The following NFKB1 variants were observed in gnomAD, a reference collection of about 807,000 sequenced individuals.
NFKB1 encodes nuclear factor kappa B subunit 1, also known as nuclear factor NF-kappa-B p105 subunit.
In NFKB1, 9 loss-of-function variants were observed where a neutral mutation model predicts 105.1. That is an observed-to-expected ratio of 0.09 (90% CI 0.05 to 0.15). The LOEUF is 0.15. NFKB1 is among the 10% of genes least tolerant of loss of function. NFKB1 has a pLI of 1.00. For missense variants in NFKB1, 830 were observed against 1,203.7 expected (o/e 0.69, Z 4.59); for synonymous variants, 440 against 442.2 (o/e 1.00, Z 0.06).
At chr4:102,504,740 G>C (rs1165923294) in intron 1 of NFKB1, among the ~76,000 whole-genome samples, 1 of 152,184 alleles carries the variant, frequency 6.6e-6, no homozygotes, top group Non-Finnish European at 1.5e-5. Flanking sequence ...AAACCATCAA[G>C]AGCATATGAT....
intron 1 of NFKB1, among the ~76,000 whole-genome samples, chr4:102,504,439 G>C (rs143206119): frequency 2.1e-3 from 322 of 152,234 alleles, no homozygotes; most frequent in African/African-American, 7.2e-3. Flanking sequence ...GTTTTATTCG[G>C]TTGGTCTGTT....
intron 9 of NFKB1, among the ~76,000 whole-genome samples, chr4:102,581,147 C>T (rs1292178207): frequency 6.6e-6 from 1 of 152,188 alleles, no homozygotes; most frequent in Non-Finnish European, 1.5e-5. Flanking sequence ...GAGCACATTT[C>T]TCTCACAATT....
chr4:102,504,599 G>A (rs747125173), intron 1 of NFKB1, among the ~76,000 whole-genome samples: 22 of 152,172 alleles, frequency 1.4e-4, no homozygotes, highest in Non-Finnish European at 2.9e-4. Context: ...ATTAATTGAT[G>A]ACTACGTCTT....
rs1553925897 is a variant in NFKB1, at chr4:102,502,388, G to GCGCGCGCA, written c.-8+603_-8+604insGCGCACGC. ...TCCCCCCCTCCGTGCGCGCGCGCGC[G>GCGCGCGCA]CGCACACACACACACACACACACAC... On this transcript the variant is annotated intron_variant, in intron 1 of 23. Transcript: ENST00000226574. 2.1e-5 allele frequency among the ~76,000 whole-genome samples: 2 copies of GCGCGCGCA among 96,802 alleles called. 1 individual carries two copies. Among genetic ancestry groups the GCGCGCGCA allele is most frequent in the African/African-American group, 1.4e-4 (2 of 13,840 alleles). 63.5% of individuals were successfully genotyped at this position (96,802 alleles called of 152,430 possible).
intron 5 of NFKB1, among the ~76,000 whole-genome samples, chr4:102,565,533 A>C (rs936615712): frequency 1.3e-5 from 2 of 152,176 alleles, no homozygotes; most frequent in Admixed American, 6.5e-5. Flanking sequence ...CATTTAATGA[A>C]GTTTATAGTA....
intron 5 of NFKB1, among the ~76,000 whole-genome samples, chr4:102,559,010 G>T (rs1289387787): frequency 2.6e-5 from 4 of 152,200 alleles, no homozygotes; most frequent in African/African-American, 9.6e-5. Context: ...ATTATGTAAA[G>T]CCTGAAAGCA....
intron 18 of NFKB1, 48 bp from the exon 19 acceptor site, chr4:102,607,601 G>C (rs1223139514): frequency 1.3e-6 from 2 of 1,585,166 alleles, no homozygotes; most frequent in South Asian, 2.2e-5. Flanking sequence ...GGGACAAAAG[G>C]GCAAAAGAAC....
chr4:102,569,567 T>C (rs928720614), intron 6 of NFKB1, among the ~76,000 whole-genome samples: 1 of 152,142 alleles, frequency 6.6e-6, no homozygotes, highest in African/African-American at 2.4e-5. Context: ...CTAAGATAAC[T>C]TGTTTTCAAT....
intron 6 of NFKB1, among the ~76,000 whole-genome samples, chr4:102,574,108 C>T (rs1416795265): frequency 2.5e-5 from 3 of 119,498 alleles, no homozygotes; most frequent in Non-Finnish European, 3.6e-5. Flanking sequence ...AATTTTGTAT[C>T]GTTAAGTCTT....
chr4:102,557,240 A>G (rs1486623781), intron 5 of NFKB1: 1 of 152,218 alleles, frequency 6.6e-6, no homozygotes, highest in Non-Finnish European at 1.5e-5. Context: ...GCTGTCATTT[A>G]TTTTGTGGTT....
intron 18 of NFKB1, 132 bp downstream of exon 18, chr4:102,607,451 C>A: frequency 8.8e-7 from 1 of 1,130,392 alleles, no homozygotes. Flanking sequence ...TTATGGAGGG[C>A]TTCAGAGTAC....
intron 16 of NFKB1, 22 bp from the exon 17 acceptor site, chr4:102,606,474 C>T: frequency 1.2e-6 from 2 of 1,610,804 alleles, no homozygotes; most frequent in East Asian, 4.5e-5. Flanking sequence ...ACCAGTGAAT[C>T]TCCTGCCCTT....
rs755130773 is a variant in NFKB1, at chr4:102,580,524, C to T, written c.731-11C>T. On this transcript the variant is annotated splice_polypyrimidine_tract_variant and intron_variant, in intron 8 of 23. Transcript: ENST00000226574. ...TAATCATGTTATTTGTTGTTTTTCC[C>T]CTGTGAACAGAAGCCCCCAATGCAT... 6 of 1,611,236 alleles carry T rather than the reference C, an allele frequency of 3.7e-6. No individual in the cohort carries two copies. The highest frequency in any genetic ancestry group is 5.1e-6 in the Non-Finnish European group (6 of 1,177,548).
rs145904541 is a variant in NFKB1 at position 102,582,769 on chromosome 4, T to G, written c.836-97T>G. On this transcript the variant is annotated intron_variant, in intron 9 of 23. Coordinates refer to ENST00000226574, the MANE Select transcript of NFKB1 (RefSeq NM_003998.4). Reference sequence around the variant, plus strand: ...CTTGTTTTTTAAAAGTGTAAATAGATAGTAGGTAGAATATTAAACCAGTTT... The same window carrying G: ...CTTGTTTTTTAAAAGTGTAAATAGAGAGTAGGTAGAATATTAAACCAGTTT... 2.2e-4 allele frequency: 158 copies of G among 706,100 alleles called. No individual in the cohort carries two copies. The East Asian group carries it at 2.3e-3, about 10-fold the overall frequency. 43.7% of individuals were successfully genotyped at this position (706,100 alleles called of 1,614,324 possible).
chr4:102,538,665 A>C (rs1364241608), intron 5 of NFKB1, among the ~76,000 whole-genome samples: 4 of 152,204 alleles, frequency 2.6e-5, no homozygotes, highest in Non-Finnish European at 4.4e-5. Flanking sequence ...TCTTTAAGTT[A>C]ATATGAGACT....
At chr4:102,593,229 T>C (rs1726316872) in intron 11 of NFKB1, 196 bp from the exon 12 acceptor site, 1 of 508,068 alleles carries the variant, frequency 2.0e-6, no homozygotes, top group Non-Finnish European at 3.5e-6. Flanking sequence ...GTGGTCTCTC[T>C]GGAGCTAACT....
chr4:102,536,815 G>A (rs1165890322), intron 4 of NFKB1, among the ~76,000 whole-genome samples: 2 of 151,992 alleles, frequency 1.3e-5, no homozygotes, highest in Admixed American at 6.6e-5. Flanking sequence ...AAATCTTAAC[G>A]TATTTTCTTT....
intron 4 of NFKB1, 81 bp from the exon 5 acceptor site, chr4:102,537,777 A>T: frequency 1.3e-6 from 1 of 773,046 alleles, no homozygotes; most frequent in Non-Finnish European, 2.2e-6. Context: ...CATAAGATTT[A>T]AAAATTTGTA....
rs746756358 is a variant in NFKB1, at chr4:102,602,701, CT to C, written c.1752+1694del. ...TCATTCAATATAAGTCACCATTAGG[CT>C]TCTTCACTGGCTCTTGTGCTTCTTG... On this transcript the variant is annotated intron_variant, in intron 16 of 23. Transcript: ENST00000226574. 3.9e-5 allele frequency among the ~76,000 whole-genome samples: 6 copies of C among 152,172 alleles called. No homozygotes were observed. The East Asian group carries it at 1.2e-3, about 29-fold the overall frequency.
Sources: gnomAD v4.1 joint callset for allele counts (sites outside exome capture counted in the v4.1 genomes callset) on GRCh38, gnomAD v4.1.1 for gene constraint, MANE v1.5 for transcripts, NCBI Gene and HGNC (gene_info 2026-07-23, HGNC 2026-07-21) for gene names.